Variants in PTPRS observed in about 807,000 individuals in gnomAD.
PTPRS encodes protein tyrosine phosphatase receptor type S, also known as receptor-type tyrosine-protein phosphatase S.
PTPRS carries 63 observed loss-of-function variants against 215.3 expected under a neutral mutation model. The ratio of observed to expected loss-of-function variants is 0.29; its 90% CI spans 0.24 to 0.36. The LOEUF (loss-of-function observed/expected upper bound fraction) is 0.36. PTPRS is among the 10% of genes least tolerant of loss of function. PTPRS has a pLI of 1.00. For missense variants in PTPRS, 2,258 were observed against 2,825.8 expected (o/e 0.80, Z 4.56); for synonymous variants, 1,404 against 1,191.4 (o/e 1.18, Z -3.68).
chr19:5,210,892 A>G lies in PTPRS; in HGVS notation c.5235-87T>C. 6.6e-7 allele frequency: 1 copy of G among 1,509,030 alleles called. No individual in the cohort carries two copies. Among genetic ancestry groups the G allele is most frequent in the Non-Finnish European group, 8.9e-7 (1 of 1,127,640 alleles). The allele number at this position is 1,509,030 out of a possible 1,614,324, so 93.5% of individuals were successfully genotyped here. A position where few individuals can be genotyped will look rare whatever the true frequency, so the allele number is the denominator to read the frequency against. ...ATGCTGCCCGGGAGGGTCAGGACCAAGCCAGTGACAGCTACACCTACCACC... is the reference window on the plus strand; with the variant it reads ...ATGCTGCCCGGGAGGGTCAGGACCAGGCCAGTGACAGCTACACCTACCACC... On this transcript the variant is annotated intron_variant, in intron 33 of 37. Transcript: ENST00000262963. The surrounding 1 kb of genome is among the most constrained non-coding windows in gnomAD (Gnocchi z 4.5).
rs1481955336 is a variant in PTPRS at position 5,225,861 on chromosome 19, G to C, written c.2377-17C>G. 1.9e-6 allele frequency: 3 copies of C among 1,604,624 alleles called. No homozygotes were observed. In the African/African-American group the frequency reaches 4.0e-5, roughly 21 times the overall value. ...GACCATCTCCTGCAGGCACGGCTGGGGGTCAGCACGACGGCTGGGGCTGGG... is the reference window on the plus strand; with the variant it reads ...GACCATCTCCTGCAGGCACGGCTGGCGGTCAGCACGACGGCTGGGGCTGGG... On this transcript the variant is annotated splice_polypyrimidine_tract_variant and intron_variant, in intron 16 of 37. Transcript: ENST00000262963.
rs780168457 is a variant in PTPRS, at chr19:5,216,782, CAATA to C, written c.4049-19_4049-16del. ...GAGGCCTGAATCTGCAAACAGCAAACAATAAATAAATGAAAACATGCAGGGGGTA... is the reference window on the plus strand; with the variant it reads ...GAGGCCTGAATCTGCAAACAGCAAACAATAAATGAAAACATGCAGGGGGTA... On this transcript the variant is annotated splice_polypyrimidine_tract_variant and intron_variant, in intron 25 of 37. Coordinates refer to ENST00000262963, the MANE Select transcript of PTPRS (RefSeq NM_002850.4). The C allele has an allele frequency of 1.0e-5, 16 of 1,544,466 alleles. No individual in the cohort carries two copies. Among genetic ancestry groups the C allele is most frequent in the African/African-American group, 9.6e-5 (7 of 73,044 alleles).
Position 5,220,108 on chromosome 19 carries a change from G to A in PTPRS, c.3596C>T (p.Ser1199Leu), listed in dbSNP as rs755452432. Residue 1199 changes from serine (S) to leucine (L), a missense_variant, in exon 22 of 38, where the codon TCG becomes TTG. Coordinates refer to ENST00000262963, the MANE Select transcript of PTPRS (RefSeq NM_002850.4). Reference sequence around the variant, plus strand: ...GGGCCGGGGCACCTCCAGCTGACGCGAGTGCCGCAGGCTGCGCCTCTGTAG... The same window carrying A: ...GGGCCGGGGCACCTCCAGCTGACGCAAGTGCCGCAGGCTGCGCCTCTGTAG... ...SRLQRRSLRH[S>L]RQLEVPRPYI... 1.4e-5 allele frequency: 22 copies of A among 1,613,314 alleles called. 1 individual carries two copies. The highest frequency in any genetic ancestry group is 9.9e-5 in the South Asian group (9 of 91,072).
rs758128554 is a variant in PTPRS, at chr19:5,218,414, A to T, written c.4048+6T>A. On this transcript the variant is annotated splice_donor_region_variant and intron_variant, in intron 25 of 37. Coordinates refer to ENST00000262963, the MANE Select transcript of PTPRS (RefSeq NM_002850.4). The stretch of plus-strand genomic sequence containing the variant: ...GGCATCCCTGGTACCAGGGATAAGT[A>T]CATACCTGGAGTCTGGAAGTTAATG... 4 of 1,610,818 alleles carry T rather than the reference A, an allele frequency of 2.5e-6. No individual in the cohort carries two copies. The South Asian group carries it at 3.3e-5, about 13-fold the overall frequency.
chr19:5,286,952 G>A (rs560542784), intron 1 of PTPRS, among the ~76,000 whole-genome samples: 2 of 152,256 alleles, frequency 1.3e-5, no homozygotes, highest in African/African-American at 4.8e-5. Context: ...TCAGGAAGGA[G>A]GGGACTCCAG....
chr19:5,239,835 A>AACAGAGACAGAGACATG (rs2043866572), intron 12 of PTPRS, among the ~76,000 whole-genome samples: 1 of 151,914 alleles, frequency 6.6e-6, no homozygotes, highest in Admixed American at 6.6e-5. Context: ...CAGAAAGAGA[A>AACAGAGACAGAGACATG]ACAGAGACAG....
intron 9 of PTPRS, among the ~76,000 whole-genome samples, chr19:5,254,304 G>A (rs1222275255): frequency 1.3e-5 from 2 of 152,242 alleles, no homozygotes; most frequent in East Asian, 1.9e-4. Flanking sequence ...GAGAAGGTGA[G>A]TGAGGGACAA....
rs773377919 is a variant in PTPRS, at chr19:5,214,419, G to A, written c.4556C>T (p.Thr1519Met). The change falls in exon 30 of 38, where the codon ACG becomes ATG. Residue 1519 changes from threonine (T) to methionine (M), a missense_variant. Around this residue, in one of 6 missense-constraint regions of PTPRS, gnomAD observed 927 missense variants for 1,125.9 expected, o/e 0.82. Transcript: ENST00000262963. ...GTETYGFIQVTLLDTIELATF... is the reference protein window; with the variant it reads ...GTETYGFIQVMLLDTIELATF... ...GGCCAGCTCGATGGTATCTAGCAACGTGACCTGGATGAAGCCGTAGGTCTC... is the reference window on the plus strand; with the variant it reads ...GGCCAGCTCGATGGTATCTAGCAACATGACCTGGATGAAGCCGTAGGTCTC... The A allele has an allele frequency of 1.4e-5, 22 of 1,614,026 alleles. No individual in the cohort carries two copies. The highest frequency in any genetic ancestry group is 1.1e-4 in the South Asian group (10 of 91,094).
At chr19:5,308,860 C>A (rs544681337) in intron 1 of PTPRS, among the ~76,000 whole-genome samples, 10 of 152,334 alleles carry the variant, frequency 6.6e-5, no homozygotes, top group South Asian at 2.1e-4. Context: ...TGGCCCGGAT[C>A]CTAAACTAAT....
chr19:5,223,124 A>G lies in PTPRS; in HGVS notation c.2668T>C (p.Tyr890His), dbSNP rs780201997. The change falls in exon 18 of 38, where the codon TAC becomes CAC. Residue 890 changes from tyrosine (Y) to histidine (H), a missense_variant. Around this residue, in one of 6 missense-constraint regions of PTPRS, gnomAD observed 361 missense variants for 332.6 expected, o/e 1.09. Transcript: ENST00000262963. ...TLEFPPSEDR[Y>H]TASGVHKGAT... ...CCCTTGTGCACGCCTGATGCCGTGT[A>G]GCGGTCCTCGGAGGGCGGGAACTCC... The G allele has an allele frequency of 6.4e-7, 1 of 1,569,682 alleles. No individual in the cohort carries two copies. Among genetic ancestry groups the G allele is most frequent in the Non-Finnish European group, 8.6e-7 (1 of 1,157,834 alleles).
rs112324633 is a variant in PTPRS, at chr19:5,261,687, C to T, written c.578-865G>A. ...GCGTGGCCCAAACCCATTTTGCAGACGGGCCAACTGAGGCTCAGAGGGGAA... is the reference window on the plus strand; with the variant it reads ...GCGTGGCCCAAACCCATTTTGCAGATGGGCCAACTGAGGCTCAGAGGGGAA... On this transcript the variant is annotated intron_variant, in intron 6 of 37. Transcript: ENST00000262963. Among the ~76,000 whole-genome samples the T allele has an allele frequency of 8.1e-4, 123 of 152,274 alleles. 1 individual carries two copies. Among genetic ancestry groups the T allele is most frequent in the African/African-American group, 2.7e-3 (113 of 41,568 alleles).
chr19:5,274,425 C>T, intron 2 of PTPRS, 81 bp from the exon 3 acceptor site: 1 of 1,452,872 alleles, frequency 6.9e-7, no homozygotes, highest in Non-Finnish European at 9.3e-7. Flanking sequence ...CGAAAACCTG[C>T]ATTCCATGCC....
chr19:5,324,226 C>CAAA (rs55793961), intron 1 of PTPRS, among the ~76,000 whole-genome samples: 100 of 73,620 alleles, frequency 1.4e-3, no homozygotes, highest in African/African-American at 2.2e-3. Flanking sequence ...AACCCTGCCT[C>CAAA]AAAAAAAAAA....
chr19:5,264,850 A>G (rs1290935429), intron 5 of PTPRS, among the ~76,000 whole-genome samples, 158 bp downstream of exon 5: 1 of 152,036 alleles, frequency 6.6e-6, no homozygotes, highest in Admixed American at 6.6e-5. Flanking sequence ...TGCGGCTTTG[A>G]AGACATTTGC....
rs1736467182 is a variant in PTPRS, at chr19:5,244,786, C to T, written c.989-304G>A. 4.0e-5 allele frequency among the ~76,000 whole-genome samples: 6 copies of T among 151,628 alleles called. No homozygotes were observed. The South Asian group carries it at 1.0e-3, about 26-fold the overall frequency. On this transcript the variant is annotated intron_variant, in intron 10 of 37. Transcript: ENST00000262963. The surrounding 1 kb of genome is among the most constrained non-coding windows in gnomAD (Gnocchi z 7.2). Reference sequence around the variant, plus strand: ...CCGGGTTCACACAATTCTCCTGCCTCAGCCTCCCGAGTAGCTGGGACGACA... The same window carrying T: ...CCGGGTTCACACAATTCTCCTGCCTTAGCCTCCCGAGTAGCTGGGACGACA...
intron 1 of PTPRS, among the ~76,000 whole-genome samples, chr19:5,290,014 C>A (rs2048678378): frequency 6.6e-6 from 1 of 152,248 alleles, no homozygotes; most frequent in Non-Finnish European, 1.5e-5. Flanking sequence ...CAGTAATCTG[C>A]AAGCTCCCAG....
At chr19:5,216,883 A>G in intron 25 of PTPRS, 116 bp from the exon 26 acceptor site, 1 of 648,402 alleles carries the variant, frequency 1.5e-6, no homozygotes, top group Non-Finnish European at 2.7e-6. Context: ...CAACGCGGAC[A>G]ACGGGGGGTA....
At chr19:5,256,541 C>T (rs957857161) in intron 8 of PTPRS, among the ~76,000 whole-genome samples, 1 of 152,152 alleles carries the variant, frequency 6.6e-6, no homozygotes, top group Non-Finnish European at 1.5e-5. Context: ...AGGCCCCACC[C>T]GGCTCCCTGC....
At chr19:5,268,434 G>C (rs925980709) in intron 4 of PTPRS, among the ~76,000 whole-genome samples, 9 of 152,138 alleles carry the variant, frequency 5.9e-5, no homozygotes, top group Admixed American at 2.0e-4. Context: ...ATGGGACATG[G>C]GGCTCAGGGG....
Sources: gnomAD v4.1 joint callset for allele counts (sites outside exome capture counted in the v4.1 genomes callset) on GRCh38, gnomAD v4.1.1 for gene constraint, gnomAD v4.1.1 regional missense constraint, Gnocchi (gnomAD v3.1) non-coding constraint, MANE v1.5 for transcripts, NCBI Gene and HGNC (gene_info 2026-07-23, HGNC 2026-07-21) for gene names.